Variants in CACNA1E observed in about 807,000 individuals in gnomAD.
CACNA1E encodes calcium voltage-gated channel subunit alpha1 E, also known as voltage-dependent R-type calcium channel subunit alpha-1E.
A neutral mutation model predicts 259.2 loss-of-function variants in CACNA1E; 40 were observed. The observed-to-expected ratio is 0.15, with a 90% CI of 0.12 to 0.20. CACNA1E has a LOEUF of 0.20. CACNA1E is among the 10% of genes least tolerant of loss of function. The pLI is 1.00. For missense variants in CACNA1E, 1,874 were observed against 3,040.1 expected (o/e 0.62, Z 9.02); for synonymous variants, 1,104 against 1,138.5 (o/e 0.97, Z 0.61).
intron 6 of CACNA1E, among the ~76,000 whole-genome samples, chr1:181,619,609 G>C (rs1655543353): frequency 6.6e-6 from 1 of 152,184 alleles, no homozygotes; most frequent in East Asian, 1.9e-4. Flanking sequence ...ATGGAAGTAA[G>C]GAGACCAGTT....
intron 1 of CACNA1E, among the ~76,000 whole-genome samples, chr1:181,502,082 G>A (rs965833065): frequency 1.3e-5 from 2 of 152,018 alleles, no homozygotes; most frequent in African/African-American, 2.4e-5. Flanking sequence ...GTCTCCTGCC[G>A]TGGTTAGAGA....
chr1:181,474,401 A>C (rs919050100), intron 2 of CACNA1E, among the ~76,000 whole-genome samples: 2 of 152,228 alleles, frequency 1.3e-5, no homozygotes, highest in Non-Finnish European at 2.9e-5. Flanking sequence ...TGTAAACTGC[A>C]CATTAGGAAT....
chr1:181,574,284 A>G (rs183206913), intron 3 of CACNA1E, among the ~76,000 whole-genome samples: 23 of 152,338 alleles, frequency 1.5e-4, no homozygotes, highest in Non-Finnish European at 2.9e-4. Flanking sequence ...GTAACTCAGA[A>G]TTTAAAATTT....
At chr1:181,481,476 C>T (rs1260899837), upstream of CACNA1E, among the ~76,000 whole-genome samples, 2 of 152,224 alleles carry the variant, frequency 1.3e-5, no homozygotes, top group Admixed American at 6.5e-5. Context: ...ACTCAGACAT[C>T]ACCTCACTTC....
intron 6 of CACNA1E, among the ~76,000 whole-genome samples, chr1:181,633,651 C>T (rs1450625299): frequency 6.6e-6 from 1 of 151,972 alleles, no homozygotes; most frequent in East Asian, 1.9e-4. Flanking sequence ...GCCACCACGC[C>T]CGGCTCAGTT....
intron 2 of CACNA1E, among the ~76,000 whole-genome samples, chr1:181,468,970 G>T (rs1214268527): frequency 6.6e-6 from 1 of 152,096 alleles, no homozygotes; most frequent in Non-Finnish European, 1.5e-5. Flanking sequence ...ACCCTAAGAT[G>T]ATAAGATCTT....
At chr1:181,667,005 C>G (rs1214362353) in intron 7 of CACNA1E, among the ~76,000 whole-genome samples, 1 of 151,972 alleles carries the variant, frequency 6.6e-6, no homozygotes, top group African/African-American at 2.4e-5. Flanking sequence ...GAAGACCTTT[C>G]TAAGCATTAT....
At chr1:181,396,931 A>G (rs1312390735) in intron 1 of CACNA1E, among the ~76,000 whole-genome samples, 1 of 152,230 alleles carries the variant, frequency 6.6e-6, no homozygotes, top group Non-Finnish European at 1.5e-5. Context: ...ACTTTATTTT[A>G]AGAGTAGAAC....
intron 1 of CACNA1E, among the ~76,000 whole-genome samples, chr1:181,395,592 A>G (rs1656613187): frequency 6.6e-6 from 1 of 152,198 alleles, no homozygotes; most frequent in Admixed American, 6.5e-5. Flanking sequence ...ATTACATTTC[A>G]AGTATTTGGA....
chr1:181,771,497 T>C, intron 36 of CACNA1E, 113 bp downstream of exon 36: 1 of 675,012 alleles, frequency 1.5e-6, no homozygotes, highest in South Asian at 1.8e-5. Context: ...CCTTTGCTCC[T>C]GTCAGTAGAA....
intron 7 of CACNA1E, chr1:181,668,688 A>G (rs1382588136): frequency 6.6e-6 from 1 of 152,162 alleles, no homozygotes; most frequent in African/African-American, 2.4e-5. Context: ...ATGAACATTA[A>G]TAAGTATCTT....
Position 181,396,088 on chromosome 1 carries a change from C to A in CACNA1E, c.-14-17045C>A, listed in dbSNP as rs557737652. Among the ~76,000 whole-genome samples, 15 of 152,322 alleles carry A rather than the reference C, an allele frequency of 9.8e-5. No individual in the cohort carries two copies. In the South Asian group the frequency reaches 3.1e-3, roughly 32 times the overall value. On this transcript the variant is annotated intron_variant, in intron 1 of 11. Transcript: ENST00000524607. ...TGGGGCTGGAGAATCCCATTCCAAA[C>A]TCACTCTTGCAGTTCTTGGCACCCT...
Position 181,585,768 on chromosome 1 carries a change from G to A in CACNA1E, c.951+4992G>A, listed in dbSNP as rs1001559288. On this transcript the variant is annotated intron_variant, in intron 6 of 47. Coordinates refer to ENST00000367573, the MANE Select transcript of CACNA1E (RefSeq NM_001205293.3). ...AGTGCAGAGATCCTGAGATGGGGACGGGCTGGGTGTATTTGAAGAACAGCA... is the reference window on the plus strand; with the variant it reads ...AGTGCAGAGATCCTGAGATGGGGACAGGCTGGGTGTATTTGAAGAACAGCA... 3.3e-5 allele frequency among the ~76,000 whole-genome samples: 5 copies of A among 152,162 alleles called. No individual in the cohort carries two copies. In the South Asian group the frequency reaches 1.0e-3, roughly 32 times the overall value.
chr1:181,553,101 T>G (rs1179493238), intron 3 of CACNA1E, among the ~76,000 whole-genome samples: 6 of 152,240 alleles, frequency 3.9e-5, no homozygotes, highest in Non-Finnish European at 8.8e-5. Flanking sequence ...AGTATGGCCA[T>G]TTTTACGATA....
chr1:181,697,642 G>T (rs1436524183), intron 7 of CACNA1E, among the ~76,000 whole-genome samples: 1 of 152,086 alleles, frequency 6.6e-6, no homozygotes, highest in Non-Finnish European at 1.5e-5. Flanking sequence ...TTTATAAAAA[G>T]AATTACCTGA....
At chr1:181,331,213 G>GAGATAGATAGAT (rs57300831) in intron 1 of CACNA1E, among the ~76,000 whole-genome samples, 23 of 151,788 alleles carry the variant, frequency 1.5e-4, no homozygotes, top group African/African-American at 5.3e-4. Context: ...GAATCAATAG[G>GAGATAGATAGAT]AGATAGATAG....
At chr1:181,503,544 G>T (rs1414798412) in intron 1 of CACNA1E, among the ~76,000 whole-genome samples, 1 of 152,138 alleles carries the variant, frequency 6.6e-6, no homozygotes, top group Non-Finnish European at 1.5e-5. Flanking sequence ...ATTGGAGTTG[G>T]TCTCCTCTGT....
At chr1:181,458,130 T>C (rs1389319592) in intron 2 of CACNA1E, among the ~76,000 whole-genome samples, 1 of 152,246 alleles carries the variant, frequency 6.6e-6, no homozygotes, top group East Asian at 1.9e-4. Context: ...TGCTCTTTTA[T>C]GCTGTGTGTC....
intron 7 of CACNA1E, among the ~76,000 whole-genome samples, chr1:181,679,747 T>C (rs187829566): frequency 5.3e-5 from 8 of 152,168 alleles, no homozygotes; most frequent in Non-Finnish European, 1.2e-4. Flanking sequence ...CCTGGGAACA[T>C]AGGGCAGGCA....
Sources: gnomAD v4.1 joint callset for allele counts (sites outside exome capture counted in the v4.1 genomes callset) on GRCh38, gnomAD v4.1.1 for gene constraint, MANE v1.5 for transcripts, NCBI Gene and HGNC (gene_info 2026-07-23, HGNC 2026-07-21) for gene names.